Variants in PLPPR1 observed in about 807,000 individuals in gnomAD.
PLPPR1 encodes the protein phospholipid phosphatase related 1.
PLPPR1 carries 10 observed loss-of-function variants against 33.1 expected under a neutral mutation model. The observed-to-expected ratio is 0.30, with a 90% CI of 0.19 to 0.51. PLPPR1 has a LOEUF of 0.51. Ranked by LOEUF, PLPPR1 falls within the 20% of genes least tolerant of loss-of-function variation. The probability of loss-of-function intolerance (pLI) is 0.97; values close to 1 mark genes in which losing one functional copy is unlikely to be tolerated. For missense variants in PLPPR1, 304 were observed against 408.1 expected, an observed-to-expected ratio of 0.74 and a Z score of 2.20; for synonymous variants, 151 against 151.0, an observed-to-expected ratio of 1.00 and a Z score of 0.00.
chr9:101,195,222 C>T (rs1358298093), intron 2 of PLPPR1, among the ~76,000 whole-genome samples: 2 of 152,198 alleles, frequency 1.3e-5, no homozygotes, highest in Admixed American at 6.5e-5. Flanking sequence ...ACTCACATTT[C>T]GTTAGCCAAA....
At chr9:101,067,735 A>T (rs1355865129) in intron 1 of PLPPR1, among the ~76,000 whole-genome samples, 1 of 152,062 alleles carries the variant, frequency 6.6e-6, no homozygotes, top group Non-Finnish European at 1.5e-5. Context: ...GATGCTGAGA[A>T]CAGCAAAGAT....
chr9:101,030,130 C>T lies in PLPPR1; in HGVS notation c.-46+1028C>T, dbSNP rs116928554. Among the ~76,000 whole-genome samples the T allele has an allele frequency of 2.0e-5, 3 of 152,048 alleles. No homozygotes were observed. The East Asian group carries it at 5.9e-4, about 30-fold the overall frequency. The stretch of plus-strand genomic sequence containing the variant: ...AGAAAAGGATTTCCTAAAATCCTTT[C>T]TACTACTGGGGCGGGATCTCAGAGT... On this transcript the variant is annotated intron_variant, in intron 1 of 7. Coordinates refer to ENST00000374874, the MANE Select transcript of PLPPR1 (RefSeq NM_207299.2).
At chr9:101,289,694 T>C (rs1415790130) in intron 4 of PLPPR1, among the ~76,000 whole-genome samples, 1 of 152,236 alleles carries the variant, frequency 6.6e-6, no homozygotes, top group Non-Finnish European at 1.5e-5. Flanking sequence ...CTGCCATCTA[T>C]GTATGATATG....
intron 4 of PLPPR1, among the ~76,000 whole-genome samples, chr9:101,295,631 C>T (rs865844391): frequency 0.048 from 7,180 of 149,186 alleles, 514 homozygotes; most frequent in African/African-American, 0.16. Context: ...AGAACAGAGC[C>T]CTCAGAAATA....
At chr9:101,282,947 T>C (rs780323201) in intron 3 of PLPPR1, among the ~76,000 whole-genome samples, 2 of 152,176 alleles carry the variant, frequency 1.3e-5, no homozygotes, top group Non-Finnish European at 2.9e-5. Flanking sequence ...ACTGTTAAAA[T>C]GTTTAATACT....
At chr9:101,278,744 C>T (rs1828243011) in intron 3 of PLPPR1, among the ~76,000 whole-genome samples, 1 of 152,164 alleles carries the variant, frequency 6.6e-6, no homozygotes, top group Non-Finnish European at 1.5e-5. Context: ...CAGTCCCAGA[C>T]TTCAAGCCTG....
intron 1 of PLPPR1, among the ~76,000 whole-genome samples, chr9:101,169,775 T>C (rs1564164517): frequency 6.6e-6 from 1 of 152,130 alleles, no homozygotes. Flanking sequence ...AGAGGTAGAA[T>C]TCAATAGAAT....
At chr9:101,109,955 G>A (rs1481957681) in intron 1 of PLPPR1, among the ~76,000 whole-genome samples, 1 of 152,108 alleles carries the variant, frequency 6.6e-6, no homozygotes, top group Non-Finnish European at 1.5e-5. Context: ...CTTTAGGAAA[G>A]GTGGGGATGC....
intron 4 of PLPPR1, among the ~76,000 whole-genome samples, chr9:101,302,653 T>G (rs1391908724): frequency 6.6e-6 from 1 of 152,216 alleles, no homozygotes; most frequent in East Asian, 1.9e-4. Flanking sequence ...TAAGAATTCC[T>G]TAGGTATTCC....
chr9:101,286,533 G>C lies in PLPPR1; in HGVS notation c.385+297G>C, dbSNP rs148245678. ...ATACCTTTTAGCAGAGTCAGGCAAG[G>C]GGTTGGGGTGGGGGAGCATCAGGGG... On this transcript the variant is annotated intron_variant, in intron 4 of 7. Coordinates refer to ENST00000374874, the MANE Select transcript of PLPPR1 (RefSeq NM_207299.2). Among the ~76,000 whole-genome samples the C allele has an allele frequency of 2.7e-3, 406 of 152,270 alleles. 2 individuals are homozygous for C. Among genetic ancestry groups the C allele is most frequent in the Middle Eastern group, 6.8e-3 (2 of 294 alleles).
At chr9:101,055,711 T>C (rs1285047299) in intron 1 of PLPPR1, among the ~76,000 whole-genome samples, 1 of 152,198 alleles carries the variant, frequency 6.6e-6, no homozygotes, top group Non-Finnish European at 1.5e-5. Context: ...CCCCCTGCAT[T>C]CTCTCATGTG....
chr9:101,090,517 A>G (rs891379998), intron 1 of PLPPR1, among the ~76,000 whole-genome samples: 1 of 152,108 alleles, frequency 6.6e-6, no homozygotes, highest in East Asian at 1.9e-4. Context: ...CTTTCCCTCA[A>G]TCCACCCTTG....
intron 1 of PLPPR1, among the ~76,000 whole-genome samples, chr9:101,173,413 C>G (rs373136265): frequency 6.6e-6 from 1 of 152,108 alleles, no homozygotes; most frequent in Non-Finnish European, 1.5e-5. Flanking sequence ...TTCATGGGCT[C>G]TTAAATAGCT....
chr9:101,228,316 G>T (rs1827113184), intron 2 of PLPPR1, among the ~76,000 whole-genome samples: 1 of 152,130 alleles, frequency 6.6e-6, no homozygotes, highest in African/African-American at 2.4e-5. Flanking sequence ...TGGTTCAAAT[G>T]CTCCTCGTAC....
intron 2 of PLPPR1, among the ~76,000 whole-genome samples, chr9:101,199,397 C>T (rs1461710428): frequency 6.6e-6 from 1 of 152,186 alleles, no homozygotes; most frequent in African/African-American, 2.4e-5. Context: ...TTCTAACCAG[C>T]ATATGTAAGT....
intron 1 of PLPPR1, among the ~76,000 whole-genome samples, chr9:101,085,864 G>A (rs923205898): frequency 3.3e-5 from 5 of 151,986 alleles, no homozygotes; most frequent in African/African-American, 1.2e-4. Context: ...AATGGACCGG[G>A]GGGGGCTCTA....
chr9:101,140,330 G>C (rs1465463655), intron 1 of PLPPR1, among the ~76,000 whole-genome samples: 1 of 152,180 alleles, frequency 6.6e-6, no homozygotes, highest in African/African-American at 2.4e-5. Context: ...AATGTTTGTA[G>C]AGGTCTACTG....
At chr9:101,145,601 G>A (rs1043467639) in intron 1 of PLPPR1, among the ~76,000 whole-genome samples, 3 of 152,064 alleles carry the variant, frequency 2.0e-5, no homozygotes, top group South Asian at 4.2e-4. Flanking sequence ...GGCTAGTCTC[G>A]AACTCCTGAC....
In PLPPR1 at chr9:101,095,133, A is replaced by G. The variant is rs146046851; in HGVS notation, c.-46+66031A>G. Among the ~76,000 whole-genome samples the G allele has an allele frequency of 5.9e-3, 899 of 152,302 alleles. 7 individuals carry two copies. Among genetic ancestry groups the G allele is most frequent in the South Asian group, 0.023 (109 of 4,826 alleles). On this transcript the variant is annotated intron_variant, in intron 1 of 7. Transcript: ENST00000374874. Reference sequence around the variant, plus strand: ...GTCTGTCCTGGAATGGTCCATTAGTACCATGTTTTCCAAGCTCAATAGTCT... The same window carrying G: ...GTCTGTCCTGGAATGGTCCATTAGTGCCATGTTTTCCAAGCTCAATAGTCT...
Sources: gnomAD v4.1 joint callset for allele counts (sites outside exome capture counted in the v4.1 genomes callset) on GRCh38, gnomAD v4.1.1 for gene constraint, MANE v1.5 for transcripts, NCBI Gene and HGNC (gene_info 2026-07-23, HGNC 2026-07-21) for gene names.